TNNI3K: variants seen among roughly 807,000 people sequenced by gnomAD.
TNNI3K encodes serine/threonine-protein kinase TNNI3K.
In TNNI3K, 140 loss-of-function variants were observed where a neutral mutation model predicts 114.5. The observed-to-expected ratio is 1.22, with a 90% CI of 1.07 to 1.41. TNNI3K has a LOEUF of 1.41. TNNI3K is among the 40% of genes most tolerant of loss of function. The probability of loss-of-function intolerance (pLI) is 0.00; values close to 1 mark genes in which losing one functional copy is unlikely to be tolerated. For missense variants in TNNI3K, 1,125 were observed against 1,007.6 expected, an observed-to-expected ratio of 1.12 and a Z score of -1.58; for synonymous variants, 347 against 347.5, an observed-to-expected ratio of 1.00 and a Z score of 0.02.
intron 2 of TNNI3K, among the ~76,000 whole-genome samples, chr1:74,242,964 C>G (rs555148782): frequency 6.6e-6 from 1 of 152,146 alleles, no homozygotes; most frequent in African/African-American, 2.4e-5. Context: ...TCTTTTCCAT[C>G]CTGTACCTCC....
intron 5 of TNNI3K, among the ~76,000 whole-genome samples, chr1:74,302,409 A>C (rs1377009109): frequency 6.6e-6 from 1 of 152,184 alleles, no homozygotes; most frequent in Non-Finnish European, 1.5e-5. Flanking sequence ...CATGTCTCTC[A>C]CTTTAAATCA....
At chr1:74,510,245 G>A (rs926484624) in intron 23 of TNNI3K, among the ~76,000 whole-genome samples, 7 of 152,078 alleles carry the variant, frequency 4.6e-5, no homozygotes, top group African/African-American at 1.7e-4. Context: ...AGTGGCTCAC[G>A]CCTGTAATCC....
intron 23 of TNNI3K, among the ~76,000 whole-genome samples, chr1:74,508,693 G>A (rs927498103): frequency 1.3e-5 from 2 of 152,184 alleles, no homozygotes; most frequent in South Asian, 2.1e-4. Context: ...CCAACCCGGG[G>A]CATATGTCTG....
At chr1:74,458,875 A>T (rs1175813356) in intron 20 of TNNI3K, among the ~76,000 whole-genome samples, 1 of 152,134 alleles carries the variant, frequency 6.6e-6, no homozygotes, top group African/African-American at 2.4e-5. Context: ...TGAGCATAGT[A>T]CCCAATAGGT....
At chr1:74,528,988 TG>T (rs1172224338) in intron 23 of TNNI3K, among the ~76,000 whole-genome samples, 1 of 152,102 alleles carries the variant, frequency 6.6e-6, no homozygotes, top group Non-Finnish European at 1.5e-5. Flanking sequence ...AGGAATACAT[TG>T]AAGGCACCCC....
chr1:74,336,225 A>G, intron 7 of TNNI3K, 76 bp downstream of exon 7: 1 of 1,498,082 alleles, frequency 6.7e-7, no homozygotes, highest in South Asian at 1.4e-5. Context: ...CTCTTACTAG[A>G]GAATAATCTT....
At chr1:74,363,971 G>GTAT (rs368456076) in intron 11 of TNNI3K, among the ~76,000 whole-genome samples, 44,467 of 134,998 alleles carry the variant, frequency 0.33, 7,628 homozygotes, top group African/African-American at 0.43. Flanking sequence ...CAGATGAGGG[G>GTAT]TATTATTATT....
chr1:74,509,481 A>G (rs904258908), intron 23 of TNNI3K, among the ~76,000 whole-genome samples: 2 of 152,202 alleles, frequency 1.3e-5, no homozygotes, highest in Admixed American at 6.5e-5. Flanking sequence ...ACACAAATGA[A>G]TGATTTTCAT....
intron 11 of TNNI3K, among the ~76,000 whole-genome samples, chr1:74,360,002 C>T (rs922229253): frequency 6.6e-6 from 1 of 151,806 alleles, no homozygotes; most frequent in African/African-American, 2.4e-5. Context: ...TTACTTTTTC[C>T]TCCTCAACTT....
intron 4 of TNNI3K, among the ~76,000 whole-genome samples, chr1:74,261,508 C>A (rs907427133): frequency 1.3e-5 from 2 of 151,996 alleles, no homozygotes; most frequent in Non-Finnish European, 1.5e-5. Context: ...TACAAGATTC[C>A]TGTCACATTT....
chr1:74,249,181 G>A (rs45441200), intron 2 of TNNI3K, among the ~76,000 whole-genome samples: 208 of 151,236 alleles, frequency 1.4e-3, no homozygotes, highest in African/African-American at 4.7e-3. Flanking sequence ...CACTAAATTC[G>A]CTATTGTGAC....
At chr1:74,480,556 A>G in intron 21 of TNNI3K, 1 of 717,394 alleles carries the variant, frequency 1.4e-6, no homozygotes, top group Non-Finnish European at 2.6e-6. Context: ...AGGAAATAAA[A>G]TTGTTGGATA....
At chr1:74,322,218 G>T (rs571079742) in intron 5 of TNNI3K, among the ~76,000 whole-genome samples, 1 of 152,258 alleles carries the variant, frequency 6.6e-6, no homozygotes, top group African/African-American at 2.4e-5. Context: ...GAAACAGTTT[G>T]TGGTGTTGAA....
chr1:74,325,974 C>T (rs778908597), intron 5 of TNNI3K, among the ~76,000 whole-genome samples: 1 of 152,116 alleles, frequency 6.6e-6, no homozygotes, highest in Non-Finnish European at 1.5e-5. Flanking sequence ...CCCAATACAG[C>T]TTCATTGTTC....
Position 74,375,936 on chromosome 1 carries a change from GT to G in TNNI3K, c.1772+5552del, listed in dbSNP as rs553714914. On this transcript the variant is annotated intron_variant, in intron 17 of 24. Transcript: ENST00000326637. The stretch of plus-strand genomic sequence containing the variant: ...CAACGATATTCTCATACATACAGAG[GT>G]TTTTTTTATATGATATAACTAATTA... 235 of 178,574 alleles carry G rather than the reference GT, an allele frequency of 1.3e-3. 3 individuals carry two copies. Among genetic ancestry groups the G allele is most frequent in the African/African-American group, 5.3e-3 (226 of 42,732 alleles). The allele number at this position is 178,574 out of a possible 1,614,324, so 11.1% of individuals were successfully genotyped here. A position where few individuals can be genotyped will look rare whatever the true frequency, so the allele number is the denominator to read the frequency against.
intron 17 of TNNI3K, among the ~76,000 whole-genome samples, chr1:74,395,043 C>CAA (rs755880566): frequency 4.4e-4 from 55 of 126,266 alleles, no homozygotes; most frequent in African/African-American, 1.4e-3. Flanking sequence ...GACTCCATCT[C>CAA]AAAAAAAAAA....
intron 4 of TNNI3K, among the ~76,000 whole-genome samples, chr1:74,253,774 G>A (rs1655106956): frequency 6.6e-6 from 1 of 152,114 alleles, no homozygotes; most frequent in Non-Finnish European, 1.5e-5. Context: ...TCCAGCCTCG[G>A]CCATCCCAGG....
chr1:74,263,977 C>A (rs1422315823), intron 4 of TNNI3K, among the ~76,000 whole-genome samples: 1 of 151,792 alleles, frequency 6.6e-6, no homozygotes, highest in Non-Finnish European at 1.5e-5. Flanking sequence ...CCTGTTAAAT[C>A]ATCTCTATAT....
chr1:74,445,678 T>A (rs1330931485), intron 20 of TNNI3K, among the ~76,000 whole-genome samples: 1 of 148,072 alleles, frequency 6.8e-6, no homozygotes, highest in Non-Finnish European at 1.5e-5. Context: ...TGGCGGGATC[T>A]CGGCTCACTG....
Sources: gnomAD v4.1 joint callset for allele counts (sites outside exome capture counted in the v4.1 genomes callset) on GRCh38, gnomAD v4.1.1 for gene constraint, MANE v1.5 for transcripts, NCBI Gene and HGNC (gene_info 2026-07-23, HGNC 2026-07-21) for gene names.